Variants in IFNGR1 observed in about 807,000 individuals in gnomAD.
IFNGR1 encodes the protein interferon gamma receptor 1.
IFNGR1 carries 23 observed loss-of-function variants against 35.4 expected under a neutral mutation model. The observed-to-expected ratio is 0.65, with a 90% CI of 0.47 to 0.92. IFNGR1 has a LOEUF of 0.92. IFNGR1 is among the 40% of genes least tolerant of loss of function. The probability of loss-of-function intolerance (pLI) is 0.00; values close to 1 mark genes in which losing one functional copy is unlikely to be tolerated. For missense variants in IFNGR1, 533 were observed against 583.4 expected, an observed-to-expected ratio of 0.91 and a Z score of 0.89; for synonymous variants, 199 against 209.5, an observed-to-expected ratio of 0.95 and a Z score of 0.43.
At position 137,203,614 on chromosome 6, in the gene IFNGR1, T is replaced by C; in HGVS notation, c.618A>G (p.Val206=). The change falls in exon 5 of 7, where the codon GTA becomes GTG. Residue 206 remains valine, a synonymous_variant. Coordinates refer to ENST00000367739, the MANE Select transcript of IFNGR1 (RefSeq NM_000416.3). Reference sequence around the variant, plus strand: ...CACAGTACTGAGAATTCAGTGAGGATACTGGAATCGCTAACTGGCACTGAA... The same window carrying C: ...CACAGTACTGAGAATTCAGTGAGGACACTGGAATCGCTAACTGGCACTGAA... The part of the protein sequence containing the change: ...DEIQCQLAIP[V]SSLNSQYCVS... The C allele has an allele frequency of 6.2e-7, 1 of 1,611,696 alleles. No individual in the cohort carries two copies. The highest frequency in any genetic ancestry group is 8.5e-7 in the Non-Finnish European group (1 of 1,177,866).
chr6:137,206,690 T>C (rs1779438306), intron 2 of IFNGR1: 1 of 471,404 alleles, frequency 2.1e-6, no homozygotes. Flanking sequence ...AAAAATACAC[T>C]ACAGGAAGAT....
intron 5 of IFNGR1, 149 bp from the exon 6 acceptor site, chr6:137,201,157 A>T (rs920063183): frequency 9.9e-6 from 8 of 811,486 alleles, no homozygotes; most frequent in Non-Finnish European, 1.6e-5. Flanking sequence ...GAAGTTAGGA[A>T]ATCTGAGTAA....
At chr6:137,216,699 T>C (rs1562291303) in intron 1 of IFNGR1, among the ~76,000 whole-genome samples, 2 of 152,114 alleles carry the variant, frequency 1.3e-5, no homozygotes, top group African/African-American at 2.4e-5. Context: ...TAAATTAACT[T>C]TAAAAGAACA....
chr6:137,208,962 G>A (rs1779513146), intron 1 of IFNGR1, among the ~76,000 whole-genome samples: 1 of 152,204 alleles, frequency 6.6e-6, no homozygotes, highest in South Asian at 2.1e-4. Flanking sequence ...AAAGCCACAG[G>A]GGCAGAGCTG....
chr6:137,210,129 T>C (rs991467559), intron 1 of IFNGR1: 3 of 352,286 alleles, frequency 8.5e-6, no homozygotes, highest in South Asian at 1.5e-4. Flanking sequence ...GGTGGGAGGA[T>C]CTGTTGAGCT....
At chr6:137,205,991 C>T (rs904844124) in intron 3 of IFNGR1, 145 bp downstream of exon 3, 3 of 689,764 alleles carry the variant, frequency 4.3e-6, no homozygotes, top group African/African-American at 1.8e-5. Flanking sequence ...ACTTGGGATG[C>T]TCAACCTGTA....
intron 1 of IFNGR1, chr6:137,209,981 A>T (rs1263268014): frequency 2.5e-6 from 1 of 398,224 alleles, no homozygotes; most frequent in Non-Finnish European, 4.4e-6. Flanking sequence ...ATCTGTTGAT[A>T]AGACTTGAGT....
At chr6:137,206,868 C>A in intron 2 of IFNGR1, 95 bp downstream of exon 2, 1 of 945,472 alleles carries the variant, frequency 1.1e-6, no homozygotes, top group South Asian at 1.4e-5. Context: ...AATGTTTTGC[C>A]ACGTGGGAAG....
intron 6 of IFNGR1, among the ~76,000 whole-genome samples, chr6:137,199,619 T>C (rs1347677701): frequency 7.8e-6 from 1 of 128,554 alleles, no homozygotes; most frequent in East Asian, 2.1e-4. Flanking sequence ...TATTTGGTAT[T>C]ATATATATAT....
In IFNGR1 at chr6:137,214,466, T is replaced by A. The variant is rs137976861; in HGVS notation, c.85+4777A>T. ...TTGCAGGTGATGTTTCAAGTGTTCA[T>A]TGAAATCTTCTAATTGAAATTTTTC... On this transcript the variant is annotated intron_variant, in intron 1 of 6. Transcript: ENST00000367739. Among the ~76,000 whole-genome samples, 811 of 152,362 alleles carry A rather than the reference T, an allele frequency of 5.3e-3. 8 individuals carry two copies. Among genetic ancestry groups the A allele is most frequent in the Non-Finnish European group, 9.5e-3 (647 of 68,036 alleles).
chr6:137,205,095 C>G (rs892566854), intron 3 of IFNGR1, among the ~76,000 whole-genome samples: 2 of 152,138 alleles, frequency 1.3e-5, no homozygotes, highest in Non-Finnish European at 2.9e-5. Flanking sequence ...AGTATACTTT[C>G]CGGCACGTAG....
At chr6:137,211,383 G>A (rs1400539976) in intron 1 of IFNGR1, among the ~76,000 whole-genome samples, 2 of 152,104 alleles carry the variant, frequency 1.3e-5, no homozygotes, top group Admixed American at 6.5e-5. Context: ...TTTGGTTATT[G>A]CCAAAAGATC....
At chr6:137,199,543 T>TAAATTA (rs1582629933) in intron 6 of IFNGR1, among the ~76,000 whole-genome samples, 1 of 11,962 alleles carries the variant, frequency 8.4e-5, no homozygotes, top group African/African-American at 3.4e-4. Context: ...ATAATATATA[T>TAAATTA]TATATAACAT....
chr6:137,218,205 G>T (rs1410854889), intron 1 of IFNGR1, among the ~76,000 whole-genome samples: 1 of 152,074 alleles, frequency 6.6e-6, no homozygotes, highest in East Asian at 1.9e-4. Flanking sequence ...GACAAATAAC[G>T]CCTACTCCAG....
Position 137,203,592 on chromosome 6 carries a change from A to T in IFNGR1, c.640T>A (p.Cys214Ser), listed in dbSNP as rs753354136. ...IPVSSLNSQY[C>S]VSAEGVLHVW... Reference sequence around the variant, plus strand: ...TGTAAGACTCCTTCTGCTGAAACACAGTACTGAGAATTCAGTGAGGATACT... The same window carrying T: ...TGTAAGACTCCTTCTGCTGAAACACTGTACTGAGAATTCAGTGAGGATACT... The change falls in exon 5 of 7, where the codon TGT becomes AGT. Residue 214 changes from cysteine (C) to serine (S), a missense_variant. Physicochemically the swap from Cys to Ser is moderately radical, Grantham distance 112. Coordinates refer to ENST00000367739, the MANE Select transcript of IFNGR1 (RefSeq NM_000416.3). The T allele has an allele frequency of 1.9e-6, 3 of 1,613,300 alleles. No homozygotes were observed. The highest frequency in any genetic ancestry group is 1.7e-6 in the Non-Finnish European group (2 of 1,179,262).
At chr6:137,208,278 GA>G (rs1340086561) in intron 1 of IFNGR1, among the ~76,000 whole-genome samples, 1 of 152,214 alleles carries the variant, frequency 6.6e-6, no homozygotes, top group Admixed American at 6.5e-5. Flanking sequence ...GCCTGACTAT[GA>G]GACAGAAAAG....
At chr6:137,210,218 C>T (rs1227934143) in intron 1 of IFNGR1, among the ~76,000 whole-genome samples, 1 of 151,774 alleles carries the variant, frequency 6.6e-6, no homozygotes, top group Non-Finnish European at 1.5e-5. Flanking sequence ...GTTTCAGCTA[C>T]TCGGGAGGCT....
At chr6:137,218,613 A>C in intron 1 of IFNGR1, 2 of 578,430 alleles carry the variant, frequency 3.5e-6, no homozygotes, top group Non-Finnish European at 5.2e-6. Flanking sequence ...CCCGCTAAGA[A>C]AGAAGTATTT....
chr6:137,215,496 T>C (rs1379878818), intron 1 of IFNGR1: 2 of 531,672 alleles, frequency 3.8e-6, no homozygotes, highest in Non-Finnish European at 6.1e-6. Flanking sequence ...AGGCACCCCT[T>C]TAATAAGAAA....
Sources: allele counts gnomAD v4.1 joint callset (sites outside exome capture counted in the v4.1 genomes callset), GRCh38; gene constraint gnomAD v4.1.1; transcripts MANE v1.5; gene names NCBI Gene and HGNC (gene_info 2026-07-23, HGNC 2026-07-21).